The following TCERG1 variants were observed in gnomAD, a reference collection of about 807,000 sequenced individuals.
TCERG1 encodes transcription elongation regulator 1.
TCERG1 carries 37 observed loss-of-function variants against 144.7 expected under a neutral mutation model. That is an observed-to-expected ratio of 0.26 (90% confidence interval 0.20 to 0.34). TCERG1 has a LOEUF of 0.34. Among genes scored for constraint, TCERG1 ranks in the 10% least tolerant of loss-of-function variants. TCERG1 has a pLI of 1.00. For synonymous variants in TCERG1, 492 were observed against 458.2 expected, an observed-to-expected ratio of 1.07 and a Z score of -0.94; for missense variants, 1,027 against 1,380.7, an observed-to-expected ratio of 0.74 and a Z score of 4.06.
chr5:146,493,004 A>C lies in TCERG1; in HGVS notation c.2248A>C (p.Lys750Gln). The stretch of plus-strand genomic sequence containing the variant: ...AATAATGCAAGCCAAGGAAGATTTC[A>C]AAAAAATGATGGAAGAAGCAAAATT... ...NKIMQAKEDF[K>Q]KMMEEAKFNP... The change falls in exon 16 of 23, where the codon AAA becomes CAA. Residue 750 changes from lysine (K) to glutamine (Q), a missense_variant. Around this residue, in one of 6 missense-constraint regions of TCERG1, gnomAD observed 482 missense variants for 632.6 expected, o/e 0.76. Coordinates refer to ENST00000679501, the MANE Select transcript of TCERG1 (RefSeq NM_001382548.1). 1 of 1,604,538 alleles carries C rather than the reference A, an allele frequency of 6.2e-7. No homozygotes were observed. Among genetic ancestry groups the C allele is most frequent in the South Asian group, 1.1e-5 (1 of 89,020 alleles).
At chr5:146,470,843 T>C (rs1764222963) in intron 8 of TCERG1, 95 bp downstream of exon 8, 1 of 853,372 alleles carries the variant, frequency 1.2e-6, no homozygotes, top group Non-Finnish European at 1.7e-6. Flanking sequence ...TTAAAAATAA[T>C]TGTTATAAAT....
chr5:146,468,489 G>C lies in TCERG1; in HGVS notation c.1198+86G>C, dbSNP rs1581432734. ...TTGTTTATCCTTTTATTTATTTTTTGCCCAAGTGAGTGGATATTTTTATAT... is the reference window on the plus strand; with the variant it reads ...TTGTTTATCCTTTTATTTATTTTTTCCCCAAGTGAGTGGATATTTTTATAT... On this transcript the variant is annotated intron_variant, in intron 6 of 22. Coordinates refer to ENST00000679501, the MANE Select transcript of TCERG1 (RefSeq NM_001382548.1). 3.9e-6 allele frequency: 5 copies of C among 1,293,330 alleles called. No individual in the cohort carries two copies. In the East Asian group the frequency reaches 1.2e-4, roughly 32 times the overall value. 80.1% of individuals were successfully genotyped at this position (1,293,330 alleles called of 1,614,324 possible). A position where few individuals can be genotyped will look rare whatever the true frequency, so the allele number is the denominator to read the frequency against.
intron 9 of TCERG1, among the ~76,000 whole-genome samples, chr5:146,476,528 CACTG>C (rs1561666075): frequency 6.6e-6 from 1 of 151,914 alleles, no homozygotes; most frequent in African/African-American, 2.4e-5. Flanking sequence ...ATAATTATTC[CACTG>C]ACTGTTACAC....
intron 1 of TCERG1, among the ~76,000 whole-genome samples, chr5:146,453,778 A>G (rs1467650647): frequency 6.6e-6 from 1 of 152,196 alleles, no homozygotes; most frequent in Non-Finnish European, 1.5e-5. Flanking sequence ...TCTCTAAAAA[A>G]AAAAAAAAAA....
chr5:146,507,360 T>C lies in TCERG1; in HGVS notation c.2961+153T>C. 1.5e-6 allele frequency: 1 copy of C among 678,058 alleles called. No homozygotes were observed. Among genetic ancestry groups the C allele is most frequent in the Non-Finnish European group, 2.3e-6 (1 of 440,872 alleles). The allele number at this position is 678,058 out of a possible 1,614,324, so 42.0% of individuals were successfully genotyped here. A position where few individuals can be genotyped will look rare whatever the true frequency, so the allele number is the denominator to read the frequency against. ...ATTCTCTGATTTTAAAAAATTATGG[T>C]ATTCTTATTTATTTAGAAATGCCTA... On this transcript the variant is annotated intron_variant, in intron 20 of 22. Transcript: ENST00000679501. This position sits in a 1 kb window ranked among gnomAD's most constrained non-coding sequence, Gnocchi z 4.6.
chr5:146,482,385 G>A, intron 13 of TCERG1: 1 of 392,234 alleles, frequency 2.5e-6, no homozygotes, highest in Non-Finnish European at 4.5e-6. Context: ...TGTAGCCATT[G>A]TAAATCATTA....
rs565303955 is a variant in TCERG1 at position 146,463,870 on chromosome 5, C to T, written c.1135+77C>T. 6.7e-5 allele frequency: 106 copies of T among 1,574,720 alleles called. 1 individual carries two copies. The South Asian group carries it at 1.1e-3, about 16-fold the overall frequency. On this transcript the variant is annotated intron_variant, in intron 5 of 22. Coordinates refer to ENST00000679501, the MANE Select transcript of TCERG1 (RefSeq NM_001382548.1). ...TTAGTTTGTTCTCATGTGTCTGTTG[C>T]GTTTGAAATTTGCCTTGAATCTCAC...
intron 15 of TCERG1, among the ~76,000 whole-genome samples, chr5:146,492,571 C>T (rs1766528543): frequency 6.6e-6 from 1 of 152,080 alleles, no homozygotes; most frequent in South Asian, 2.1e-4. Flanking sequence ...AGATTCCATA[C>T]CATTGATATT....
intron 9 of TCERG1, 45 bp downstream of exon 9, chr5:146,471,621 C>T (rs111857100): frequency 0.069 from 100,308 of 1,461,408 alleles, 3,671 homozygotes; most frequent in Middle Eastern, 0.11. Context: ...TTTTTTGAGA[C>T]GGAGTCTCAC....
At chr5:146,475,773 A>G (rs1764785682) in intron 9 of TCERG1, among the ~76,000 whole-genome samples, 1 of 152,142 alleles carries the variant, frequency 6.6e-6, no homozygotes, top group Non-Finnish European at 1.5e-5. Context: ...TTCCCTTTTC[A>G]TTAACTGGGA....
At chr5:146,500,900 C>T (rs1767366749) in intron 17 of TCERG1, among the ~76,000 whole-genome samples, 1 of 151,312 alleles carries the variant, frequency 6.6e-6, no homozygotes, top group African/African-American at 2.4e-5. Context: ...TCCAGTTACT[C>T]TGGAATCTGA....
In TCERG1 at chr5:146,447,380, A is replaced by C; in HGVS notation, c.31A>C (p.Ser11Arg). ...GGAGCGTGGCGGGGACGGGGGCGAG[A>C]GTGAACGATTCAACCCGGGGGAGCT... The part of the protein sequence containing the change: MAERGGDGGE[S>R]ERFNPGELRM... The change falls in exon 1 of 23, where the codon AGT becomes CGT. Residue 11 changes from serine to arginine, a missense_variant. By Grantham distance (110) the Ser-to-Arg change is moderately radical. Coordinates refer to ENST00000679501, the MANE Select transcript of TCERG1 (RefSeq NM_001382548.1). 1 of 1,611,648 alleles carries C rather than the reference A, an allele frequency of 6.2e-7. No individual in the cohort carries two copies. The highest frequency in any genetic ancestry group is 8.5e-7 in the Non-Finnish European group (1 of 1,179,128).
chr5:146,474,524 A>G (rs1764647852), intron 9 of TCERG1, among the ~76,000 whole-genome samples: 1 of 152,240 alleles, frequency 6.6e-6, no homozygotes. Flanking sequence ...ATTGATGCCA[A>G]ACTTTAAGGA....
At position 146,492,946 on chromosome 5, in the gene TCERG1, G is replaced by T; in HGVS notation, c.2190G>T (p.Arg730Ser). ...KQVFDQYVKT[R>S]AEEERREKKN... ...TGTTTGATCAGTATGTAAAGACCAG[G>T]GCAGAGGAAGAACGCAGGGAAAAGA... The change falls in exon 16 of 23, where the codon AGG becomes AGT. Residue 730 changes from arginine to serine, a missense_variant. Coordinates refer to ENST00000679501, the MANE Select transcript of TCERG1 (RefSeq NM_001382548.1). 1 of 1,607,454 alleles carries T rather than the reference G, an allele frequency of 6.2e-7. No individual in the cohort carries two copies. The highest frequency in any genetic ancestry group is 8.5e-7 in the Non-Finnish European group (1 of 1,177,402).
In TCERG1 at chr5:146,460,450, T is replaced by G. The variant is rs145314422; in HGVS notation, c.892+1113T>G. On this transcript the variant is annotated intron_variant, in intron 4 of 22. Coordinates refer to ENST00000679501, the MANE Select transcript of TCERG1 (RefSeq NM_001382548.1). ...GATTTTTTTATTTGATTATTTGTTATGGCACTTGTCTCAAGATACACAGCT... is the reference window on the plus strand; with the variant it reads ...GATTTTTTTATTTGATTATTTGTTAGGGCACTTGTCTCAAGATACACAGCT... 6.2e-3 allele frequency among the ~76,000 whole-genome samples: 941 copies of G among 152,226 alleles called. 15 individuals carry two copies. The highest frequency in any genetic ancestry group is 0.021 in the African/African-American group (857 of 41,540).
intron 1 of TCERG1, among the ~76,000 whole-genome samples, chr5:146,452,725 G>A (rs533928231): frequency 5.3e-5 from 8 of 152,302 alleles, no homozygotes; most frequent in African/African-American, 1.9e-4. Context: ...AAGTAGCTGA[G>A]ATTACAGGCG....
Position 146,503,885 on chromosome 5 carries a change from G to A in TCERG1, c.2660G>A (p.Arg887Gln), listed in dbSNP as rs1767706428. ...CAAGCCCGCATTGAGGCAAGCCTTC[G>A]AGAACGAGAAAGGGAGGTTCAAAAG... Reference protein sequence around the residue: ...ERQARIEASLREREREVQKAR... With the variant: ...ERQARIEASLQEREREVQKAR... The change falls in exon 19 of 23, where the codon CGA becomes CAA. Residue 887 changes from arginine to glutamine, a missense_variant. Physicochemically the swap from Arg to Gln is conservative, Grantham distance 43. Transcript: ENST00000679501. The A allele has an allele frequency of 8.7e-6, 14 of 1,612,726 alleles. No individual in the cohort carries two copies. The highest frequency in any genetic ancestry group is 1.7e-5 in the Admixed American group (1 of 59,792).
intron 5 of TCERG1, 55 bp from the exon 6 acceptor site, chr5:146,468,286 G>A: frequency 1.5e-6 from 2 of 1,359,746 alleles, no homozygotes; most frequent in South Asian, 1.5e-5. Flanking sequence ...AATCCCAGTG[G>A]TAGCCGACAT....
chr5:146,464,272 G>T (rs1280202319), intron 5 of TCERG1, among the ~76,000 whole-genome samples: 1 of 152,100 alleles, frequency 6.6e-6, no homozygotes, highest in African/African-American at 2.4e-5. Flanking sequence ...AGGTCACATA[G>T]CTAATAAGTG....
Sources: gnomAD v4.1 joint callset for allele counts (sites outside exome capture counted in the v4.1 genomes callset) on GRCh38, gnomAD v4.1.1 for gene constraint, gnomAD v4.1.1 regional missense constraint, Gnocchi (gnomAD v3.1) non-coding constraint, MANE v1.5 for transcripts, NCBI Gene and HGNC (gene_info 2026-07-23, HGNC 2026-07-21) for gene names.